Variants in TRAPPC12 observed in about 807,000 individuals in gnomAD.
The protein encoded by TRAPPC12 is trafficking protein particle complex subunit 12, also known as TPR repeat protein 15.
A neutral mutation model predicts 69.2 loss-of-function variants in TRAPPC12; 61 were observed. That is an observed-to-expected ratio of 0.88 (90% CI 0.72 to 1.09). TRAPPC12 has a LOEUF of 1.09. TRAPPC12 is among the 50% of genes least tolerant of loss of function. The pLI is 0.00. For synonymous variants in TRAPPC12, 469 were observed against 438.9 expected (o/e 1.07, Z -0.86); for missense variants, 1,101 against 1,016.4 (o/e 1.08, Z -1.13).
At chr2:3,452,423 A>G (rs1009642621) in intron 6 of TRAPPC12, among the ~76,000 whole-genome samples, 1 of 152,122 alleles carries the variant, frequency 6.6e-6, no homozygotes, top group Non-Finnish European at 1.5e-5. Flanking sequence ...CTGCCTTTTG[A>G]GGAGTGCTCA....
chr2:3,405,250 C>A (rs1049025083), intron 3 of TRAPPC12, among the ~76,000 whole-genome samples: 1 of 151,844 alleles, frequency 6.6e-6, no homozygotes, highest in Admixed American at 6.6e-5. Context: ...CCAAAATGCC[C>A]GCTTTGTAGA....
At chr2:3,389,314 G>T (rs879467455) in intron 2 of TRAPPC12, among the ~76,000 whole-genome samples, 1 of 152,360 alleles carries the variant, frequency 6.6e-6, no homozygotes, top group South Asian at 2.1e-4. Context: ...GGCATATCCC[G>T]TGGCCTCGGT....
rs141101909 is a variant in TRAPPC12, at chr2:3,456,569, A to G, written c.1531-1052A>G. 1,121 of 154,922 alleles carry G rather than the reference A, an allele frequency of 7.2e-3. 7 individuals are homozygous for G. Among genetic ancestry groups the G allele is most frequent in the Non-Finnish European group, 0.011 (736 of 69,742 alleles). The allele number at this position is 154,922 out of a possible 1,614,324, so 9.6% of individuals were successfully genotyped here. ...TTCACAAAAGGTCATCATCAGTCTCATGTGACATTCTCCATGCTTTTTTTT... is the reference window on the plus strand; with the variant it reads ...TTCACAAAAGGTCATCATCAGTCTCGTGTGACATTCTCCATGCTTTTTTTT... On this transcript the variant is annotated intron_variant, in intron 6 of 11. Transcript: ENST00000324266.
At chr2:3,426,824 G>T (rs950993767) in intron 5 of TRAPPC12, among the ~76,000 whole-genome samples, 1 of 152,358 alleles carries the variant, frequency 6.6e-6, no homozygotes, top group East Asian at 1.9e-4. Context: ...CAGTCCGCAC[G>T]TAGGTGGTTC....
intron 3 of TRAPPC12, 21 bp from the exon 4 acceptor site, chr2:3,421,860 A>G (rs1463477620): frequency 8.7e-6 from 14 of 1,607,174 alleles, no homozygotes; most frequent in Non-Finnish European, 1.1e-5. Flanking sequence ...GTTTGGTCAC[A>G]TGTTCTGCCG....
In TRAPPC12 at chr2:3,399,839, AAAGGGT is replaced by A. The variant is rs143126674; in HGVS notation, c.1048-1936_1048-1931del. Among the ~76,000 whole-genome samples, 4,625 of 151,848 alleles carry A rather than the reference AAAGGGT, an allele frequency of 0.03. 451 individuals carry two copies. The East Asian group carries it at 0.36, about 12-fold the overall frequency. ...CGCCACCGCCCCGCCGCCAAAAAAAAAAGGGTAGGAGAACAATAGGAAGAGATCTGA... is the reference window on the plus strand; with the variant it reads ...CGCCACCGCCCCGCCGCCAAAAAAAAAGGAGAACAATAGGAAGAGATCTGA... On this transcript the variant is annotated intron_variant, in intron 2 of 11. Transcript: ENST00000324266.
chr2:3,408,955 C>T (rs1045538458), intron 3 of TRAPPC12, among the ~76,000 whole-genome samples: 1 of 152,218 alleles, frequency 6.6e-6, no homozygotes, highest in Admixed American at 6.5e-5. Context: ...CTGCCCTGCG[C>T]GGCCCGCTGC....
chr2:3,396,299 T>C (rs528312360), intron 2 of TRAPPC12, among the ~76,000 whole-genome samples: 1 of 152,288 alleles, frequency 6.6e-6, no homozygotes, highest in Admixed American at 6.5e-5. Flanking sequence ...TTGACTTGCA[T>C]AGTTTCTGAT....
intron 2 of TRAPPC12, among the ~76,000 whole-genome samples, chr2:3,394,703 A>G (rs764122506): frequency 5.9e-5 from 9 of 152,130 alleles, no homozygotes; most frequent in Non-Finnish European, 8.8e-5. Flanking sequence ...CAGCACCAAA[A>G]GTCTTGAATC....
intron 6 of TRAPPC12, among the ~76,000 whole-genome samples, chr2:3,448,204 C>G (rs1459763806): frequency 6.6e-6 from 1 of 152,236 alleles, no homozygotes; most frequent in Non-Finnish European, 1.5e-5. Context: ...CCCCAGACAA[C>G]TGCAGTGAGG....
chr2:3,426,883 A>G lies in TRAPPC12; in HGVS notation c.1417+2220A>G, dbSNP rs923072544. 9.2e-5 allele frequency among the ~76,000 whole-genome samples: 14 copies of G among 152,316 alleles called. No individual in the cohort carries two copies. In the East Asian group the frequency reaches 9.7e-4, roughly 11 times the overall value. On this transcript the variant is annotated intron_variant, in intron 5 of 11. Transcript: ENST00000324266. The stretch of plus-strand genomic sequence containing the variant: ...AGATACAGCCATGGCTGGTTGTTCA[A>G]GGGCTACTGTTCTACCTTGTAAATT...
chr2:3,479,519 T>C lies in TRAPPC12; in HGVS notation c.*58T>C. Reference sequence around the variant, plus strand: ...GGTCTTTGAAACTGTGTCTTGAAGCTAATGTATTAATGTGACATGGAGGAA... The same window carrying C: ...GGTCTTTGAAACTGTGTCTTGAAGCCAATGTATTAATGTGACATGGAGGAA... On this transcript the variant is annotated 3_prime_UTR_variant, in exon 12 of 12. Transcript: ENST00000324266. 6.3e-7 allele frequency: 1 copy of C among 1,579,362 alleles called. No homozygotes were observed. The highest frequency in any genetic ancestry group is 1.2e-5 in the South Asian group (1 of 85,628).
At chr2:3,478,582 C>A in intron 10 of TRAPPC12, 1 of 326,022 alleles carries the variant, frequency 3.1e-6, no homozygotes, top group Non-Finnish European at 5.6e-6. Context: ...TGCGGTGAGC[C>A]GAGATCGTGC....
At chr2:3,387,279 G>A (rs1660536441) in intron 1 of TRAPPC12, among the ~76,000 whole-genome samples, 1 of 152,208 alleles carries the variant, frequency 6.6e-6, no homozygotes, top group Non-Finnish European at 1.5e-5. Context: ...GCCAGTCACA[G>A]GAAGACAGTT....
chr2:3,453,719 C>T (rs1445473668), intron 6 of TRAPPC12, among the ~76,000 whole-genome samples: 1 of 152,140 alleles, frequency 6.6e-6, no homozygotes, highest in Non-Finnish European at 1.5e-5. Flanking sequence ...CAAAAGGAAC[C>T]AAGGAGGAAA....
At chr2:3,438,706 T>G (rs1196492017) in intron 5 of TRAPPC12, among the ~76,000 whole-genome samples, 1 of 152,116 alleles carries the variant, frequency 6.6e-6, no homozygotes, top group African/African-American at 2.4e-5. Context: ...GTCCTCAGAT[T>G]GGCTTCGTTC....
At chr2:3,459,473 C>G (rs145015001) in intron 7 of TRAPPC12, among the ~76,000 whole-genome samples, 1 of 152,324 alleles carries the variant, frequency 6.6e-6, no homozygotes, top group Non-Finnish European at 1.5e-5. Flanking sequence ...ACCCTCCCCC[C>G]AGGGCAGCTC....
chr2:3,392,260 G>A (rs1266078141), intron 2 of TRAPPC12, among the ~76,000 whole-genome samples: 3 of 151,024 alleles, frequency 2.0e-5, no homozygotes, highest in African/African-American at 7.4e-5. Flanking sequence ...TGACTTGTGT[G>A]TTCACCAGCA....
chr2:3,436,603 GT>G (rs1226396197), intron 5 of TRAPPC12, among the ~76,000 whole-genome samples: 4 of 151,920 alleles, frequency 2.6e-5, no homozygotes, highest in Non-Finnish European at 5.9e-5. Context: ...AAAGTACATA[GT>G]TTACCTTAGG....
Sources: gnomAD v4.1 joint callset for allele counts (sites outside exome capture counted in the v4.1 genomes callset) on GRCh38, gnomAD v4.1.1 for gene constraint, MANE v1.5 for transcripts, NCBI Gene and HGNC (gene_info 2026-07-23, HGNC 2026-07-21) for gene names.